The following RARB variants were observed in gnomAD, a reference collection of about 807,000 sequenced individuals.
The protein encoded by RARB is HBV-activated protein.
Under a neutral mutation model 51.9 loss-of-function variants are expected in RARB, and 17 were observed. The ratio of observed to expected loss-of-function variants is 0.33; its 90% CI spans 0.22 to 0.49. The LOEUF is 0.49. Ranked by LOEUF, RARB falls within the 20% of genes least tolerant of loss-of-function variation. The pLI, the probability that RARB is intolerant of heterozygous loss-of-function variation, is 0.99. For synonymous variants in RARB, 215 were observed against 195.4 expected (o/e 1.10, Z -0.84); for missense variants, 369 against 550.8 (o/e 0.67, Z 3.30).
chr3:25,357,362 GT>G (rs1705774958), intron 5 of RARB, among the ~76,000 whole-genome samples: 2 of 151,562 alleles, frequency 1.3e-5, no homozygotes, highest in Admixed American at 6.6e-5. Context: ...TGTTGGGGTT[GT>G]TTTTTTCTTG....
intron 3 of RARB, among the ~76,000 whole-genome samples, chr3:25,513,301 GAGAC>G (rs912929111): frequency 6.6e-6 from 1 of 151,542 alleles, no homozygotes; most frequent in Non-Finnish European, 1.5e-5. Context: ...AAGAAAGAAA[GAGAC>G]AGAGAGGGAG....
intron 4 of RARB, chr3:25,174,044 A>T (rs1700695328): frequency 1.2e-5 from 2 of 166,206 alleles, no homozygotes; most frequent in Non-Finnish European, 2.7e-5. Flanking sequence ...AGTATTAGAG[A>T]CGTTTTGTAT....
chr3:25,116,297 C>T (rs1699685998), intron 3 of RARB, among the ~76,000 whole-genome samples: 1 of 152,116 alleles, frequency 6.6e-6, no homozygotes, highest in Admixed American at 6.5e-5. Flanking sequence ...TATAAGCAAC[C>T]TTGAGTTTAA....
At chr3:25,532,734 G>T (rs1022495091) in intron 3 of RARB, among the ~76,000 whole-genome samples, 2 of 152,316 alleles carry the variant, frequency 1.3e-5, no homozygotes, top group Admixed American at 1.3e-4. Context: ...GAGCCCTAAA[G>T]AGGCTTCCTA....
chr3:25,214,845 TAG>T (rs1400062293), intron 5 of RARB, among the ~76,000 whole-genome samples: 2 of 152,210 alleles, frequency 1.3e-5, no homozygotes, highest in African/African-American at 4.8e-5. Context: ...CAGTGTCATG[TAG>T]TTAGCATAGA....
intron 2 of RARB, among the ~76,000 whole-genome samples, chr3:24,908,118 T>G (rs934047130): frequency 6.6e-6 from 1 of 152,156 alleles, no homozygotes; most frequent in Non-Finnish European, 1.5e-5. Context: ...TATATCTGTA[T>G]AGTAGTACAG....
chr3:24,974,320 G>C (rs1038121482), intron 2 of RARB, among the ~76,000 whole-genome samples: 1 of 152,048 alleles, frequency 6.6e-6, no homozygotes, highest in African/African-American at 2.4e-5. Context: ...TAAACGCATT[G>C]TTGAATTTAG....
chr3:25,186,339 C>T lies in RARB; in HGVS notation c.178+11764C>T, dbSNP rs184701334. Among the ~76,000 whole-genome samples, 24 of 151,894 alleles carry T rather than the reference C, an allele frequency of 1.6e-4. No homozygotes were observed. The East Asian group carries it at 3.3e-3, about 21-fold the overall frequency. On this transcript the variant is annotated intron_variant, in intron 5 of 11. Transcript: ENST00000383772. ...GGATCATCAGATACTTTGAAACACA[C>T]GGCTGGTGAGATCCTACACTGGTAT...
chr3:24,831,597 T>A (rs1306825711), intron 1 of RARB, among the ~76,000 whole-genome samples: 1 of 151,988 alleles, frequency 6.6e-6, no homozygotes. Flanking sequence ...TTGTATAGTA[T>A]ATTCCTTCTT....
At chr3:24,936,471 G>A (rs974870894) in intron 2 of RARB, among the ~76,000 whole-genome samples, 1 of 152,166 alleles carries the variant, frequency 6.6e-6, no homozygotes, top group Non-Finnish European at 1.5e-5. Context: ...GGTTAACCAA[G>A]AGTCTTAACC....
chr3:25,559,112 C>T (rs1221096470), intron 3 of RARB, among the ~76,000 whole-genome samples: 4 of 152,224 alleles, frequency 2.6e-5, no homozygotes, highest in Non-Finnish European at 2.9e-5. Flanking sequence ...TAAAGGCCAC[C>T]GCAAACCTAA....
chr3:25,102,645 T>G (rs1242541180), intron 3 of RARB, among the ~76,000 whole-genome samples: 1 of 152,208 alleles, frequency 6.6e-6, no homozygotes, highest in Admixed American at 6.5e-5. Context: ...TTTATATATT[T>G]ATATTCAGAT....
chr3:25,256,052 A>G (rs1702856788), intron 5 of RARB, among the ~76,000 whole-genome samples: 1 of 152,174 alleles, frequency 6.6e-6, no homozygotes, highest in Admixed American at 6.6e-5. Context: ...ATTTCTATGT[A>G]GGAATGATGT....
intron 4 of RARB, among the ~76,000 whole-genome samples, chr3:25,578,394 T>C (rs1466298708): frequency 6.6e-6 from 1 of 152,208 alleles, no homozygotes; most frequent in Non-Finnish European, 1.5e-5. Context: ...CAGGCTCCTC[T>C]CTCTCAGCCC....
intron 2 of RARB, among the ~76,000 whole-genome samples, chr3:25,028,247 C>T (rs1408870342): frequency 2.0e-5 from 3 of 152,186 alleles, no homozygotes; most frequent in Non-Finnish European, 4.4e-5. Context: ...GTAAATGAGG[C>T]CCTGTCATTT....
intron 2 of RARB, among the ~76,000 whole-genome samples, chr3:24,860,130 G>A (rs1405420404): frequency 6.6e-6 from 1 of 152,118 alleles, no homozygotes; most frequent in African/African-American, 2.4e-5. Flanking sequence ...TTCCCAAAAT[G>A]AACGGGGCCC....
At chr3:24,852,391 A>C (rs1405581851) in intron 1 of RARB, among the ~76,000 whole-genome samples, 3 of 152,210 alleles carry the variant, frequency 2.0e-5, no homozygotes, top group Non-Finnish European at 4.4e-5. Flanking sequence ...GAGTCACTGG[A>C]ACCCTCATGC....
intron 2 of RARB, among the ~76,000 whole-genome samples, chr3:25,047,858 A>T (rs914859211): frequency 6.6e-6 from 1 of 152,126 alleles, no homozygotes; most frequent in Non-Finnish European, 1.5e-5. Context: ...CCCCACCCAA[A>T]TCTCACACCT....
chr3:24,851,969 T>C lies in RARB; in HGVS notation c.-458-6705T>C, dbSNP rs184749617. Among the ~76,000 whole-genome samples, 360 of 152,370 alleles carry C rather than the reference T, an allele frequency of 2.4e-3. 1 individual carries two copies. The highest frequency in any genetic ancestry group is 3.3e-3 in the Non-Finnish European group (225 of 68,036). On this transcript the variant is annotated intron_variant, in intron 1 of 11. Coordinates refer to the RARB transcript ENST00000383772. ...GCCATGAGTAGTAAGCGGAAGCCCA[T>C]GCTTGTATTTCAAATATGTCTTGAC... is the stretch of plus-strand genomic sequence containing the variant.
Sources: allele counts gnomAD v4.1 joint callset (sites outside exome capture counted in the v4.1 genomes callset), GRCh38; gene constraint gnomAD v4.1.1; transcripts MANE v1.5; gene names NCBI Gene and HGNC (gene_info 2026-07-23, HGNC 2026-07-21).